The following BPTF variants were observed in gnomAD, a reference collection of about 807,000 sequenced individuals.
The protein encoded by BPTF is bromodomain PHD finger transcription factor.
Under a neutral mutation model 292.5 loss-of-function variants are expected in BPTF, and 18 were observed. The ratio of observed to expected loss-of-function variants is 0.06; its 90% confidence interval spans 0.04 to 0.09. BPTF has a LOEUF of 0.09. BPTF is among the 10% of genes least tolerant of loss of function. The probability of loss-of-function intolerance (pLI) is 1.00; values close to 1 mark genes in which losing one functional copy is unlikely to be tolerated. For missense variants in BPTF, 2,726 were observed against 3,498.7 expected (o/e 0.78, Z 5.57); for synonymous variants, 1,225 against 1,251.9 (o/e 0.98, Z 0.45).
chr17:67,908,491 CTTTT>C (rs34537462), intron 9 of BPTF, among the ~76,000 whole-genome samples: 1 of 97,572 alleles, frequency 1.0e-5, no homozygotes, highest in African/African-American at 3.6e-5. Context: ...TCACTGACCA[CTTTT>C]TTTTTTTTTT....
Position 67,922,985 on chromosome 17 carries a change from T to C in BPTF, c.5703T>C (p.Ala1901=), listed in dbSNP as rs1440662476. Residue 1901 remains alanine, a synonymous_variant, in exon 14 of 28, where the codon GCT becomes GCC. Coordinates refer to ENST00000306378, the MANE Select transcript of BPTF (RefSeq NM_182641.4). ...AATTGTGGGAGATCAGGGCATTTGC[T>C]GAGAGGTAAGGAAATGGTTAATACC... ...ELELWEIRAF[A]ERVEKEKAQA... 6.2e-7 allele frequency: 1 copy of C among 1,613,242 alleles called. No homozygotes were observed.
rs1212305646 is a variant in BPTF at position 67,854,894 on chromosome 17, T to C, written c.1436+132T>C. ...ACTTAATAGTTATACAGTTAAATAATTTCTTAATTGAAGGAATATGTGCAT... is the reference window on the plus strand; with the variant it reads ...ACTTAATAGTTATACAGTTAAATAACTTCTTAATTGAAGGAATATGTGCAT... On this transcript the variant is annotated intron_variant, in intron 2 of 27. Coordinates refer to ENST00000306378, the MANE Select transcript of BPTF (RefSeq NM_182641.4). The surrounding 1 kb of genome is among the most constrained non-coding windows in gnomAD (Gnocchi z 5.6). 1.5e-6 allele frequency: 1 copy of C among 663,286 alleles called. No homozygotes were observed. 41.1% of individuals were successfully genotyped at this position (663,286 alleles called of 1,614,324 possible).
At chr17:67,840,493 G>GCCT (rs146953123) in intron 1 of BPTF, among the ~76,000 whole-genome samples, 14,824 of 150,426 alleles carry the variant, frequency 0.099, 2,524 homozygotes, top group African/African-American at 0.35. Context: ...CTGCTCCTCC[G>GCCT]CCTCCTCCTT....
chr17:67,917,615 A>G (rs1248849568), intron 11 of BPTF, among the ~76,000 whole-genome samples: 2 of 150,052 alleles, frequency 1.3e-5, no homozygotes, highest in Admixed American at 6.7e-5. Context: ...TTTTTGGTTT[A>G]ATTTAATTAA....
chr17:67,916,734 C>A (rs1270633882), intron 11 of BPTF, among the ~76,000 whole-genome samples: 2 of 147,424 alleles, frequency 1.4e-5, no homozygotes, highest in African/African-American at 5.2e-5. Context: ...CCACTGCACT[C>A]CAGCCTGGGT....
chr17:67,899,469 C>T (rs544700698), intron 7 of BPTF, among the ~76,000 whole-genome samples: 11 of 151,746 alleles, frequency 7.2e-5, no homozygotes, highest in African/African-American at 2.7e-4. Context: ...TCCTGGGAAC[C>T]TTCTTTGATA....
chr17:67,907,766 AC>A (rs2062332593), intron 9 of BPTF, among the ~76,000 whole-genome samples: 2 of 152,292 alleles, frequency 1.3e-5, no homozygotes, highest in East Asian at 3.9e-4. Context: ...ATGTATCTCT[AC>A]GTAGACATTT....
Position 67,854,274 on chromosome 17 carries a change from C to A in BPTF, c.948C>A (p.Ser316=). Residue 316 remains serine, a synonymous_variant, in exon 2 of 28, where the codon TCC becomes TCA. Transcript: ENST00000306378. The surrounding 1 kb of genome is among the most constrained non-coding windows in gnomAD (Gnocchi z 5.6). Reference sequence around the variant, plus strand: ...CTGATCTGAAAGATAGCGTTAATTCCACACTGTATTTCATAGATGGGATGA... The same window carrying A: ...CTGATCTGAAAGATAGCGTTAATTCAACACTGTATTTCATAGATGGGATGA... The part of the protein sequence containing the change: ...GPADLKDSVN[S]TLYFIDGMTW... 1.2e-6 allele frequency: 2 copies of A among 1,614,140 alleles called. No individual in the cohort carries two copies. Among genetic ancestry groups the A allele is most frequent in the Middle Eastern group, 1.6e-4 (1 of 6,062 alleles).
Position 67,948,069 on chromosome 17 carries a change from A to G in BPTF, c.7701-12A>G, listed in dbSNP as rs782520146. 8.1e-6 allele frequency: 13 copies of G among 1,606,740 alleles called. No individual in the cohort carries two copies. In the East Asian group the frequency reaches 8.9e-5, roughly 11 times the overall value. ...ACGCCCAGCATTACATAGGTTGTGT[A>G]TTTTTCTCTAGAATGATTGTCTGTA... On this transcript the variant is annotated splice_polypyrimidine_tract_variant and intron_variant, in intron 22 of 27. Coordinates refer to ENST00000306378, the MANE Select transcript of BPTF (RefSeq NM_182641.4).
Position 67,946,029 on chromosome 17 carries a change from C to G in BPTF, c.7321C>G (p.Gln2441Glu), listed in dbSNP as rs782167494. 7.7e-5 allele frequency: 124 copies of G among 1,614,200 alleles called. No homozygotes were observed. The Middle Eastern group carries it at 9.9e-4, about 13-fold the overall frequency. The change falls in exon 21 of 28, where the codon CAA becomes GAA. Residue 2441 changes from glutamine to glutamate, a missense_variant. By Grantham distance (29) the Gln-to-Glu change is conservative. Transcript: ENST00000306378. ...CATTGCTGTGCCTCAGCTGCAACAA[C>G]AAGTCCAGGTTCTCTCTCAGATCCA... ...QVIAVPQLQQ[Q>E]VQVLSQIQSQ...
chr17:67,870,766 CTTTT>C, intron 3 of BPTF, among the ~76,000 whole-genome samples: 1 of 106,380 alleles, frequency 9.4e-6, no homozygotes, highest in Admixed American at 1.3e-4. Flanking sequence ...TGCTTCATTT[CTTTT>C]TTTTTTTTTT....
At chr17:67,872,704 T>A (rs2059817725) in intron 3 of BPTF, among the ~76,000 whole-genome samples, 1 of 151,390 alleles carries the variant, frequency 6.6e-6, no homozygotes, top group Admixed American at 6.6e-5. Flanking sequence ...AGATTCTGTC[T>A]CAAAAAAAAA....
chr17:67,954,509 T>G (rs1347844648), intron 23 of BPTF, among the ~76,000 whole-genome samples: 1 of 152,116 alleles, frequency 6.6e-6, no homozygotes, highest in Non-Finnish European at 1.5e-5. Context: ...ACACAGCATG[T>G]TAGTCTCCCT....
chr17:67,827,787 CT>C (rs2056231828), intron 1 of BPTF, among the ~76,000 whole-genome samples: 1 of 152,098 alleles, frequency 6.6e-6, no homozygotes, highest in Admixed American at 6.6e-5. Flanking sequence ...AAGGTAATTT[CT>C]TTTGCCCAGT....
chr17:67,937,381 CAA>C (rs58944920), intron 18 of BPTF, among the ~76,000 whole-genome samples: 8 of 123,836 alleles, frequency 6.5e-5, no homozygotes, highest in African/African-American at 1.3e-4. Flanking sequence ...CGGACTTTGT[CAA>C]AAAAAAAAAA....
chr17:67,893,589 C>A lies in BPTF; in HGVS notation c.2275C>A (p.Pro759Thr), dbSNP rs1378574277. Reference protein sequence around the residue: ...RHLAHKFCLTPAGEFKWNGSV... With the variant: ...RHLAHKFCLTTAGEFKWNGSV... ...TCTTGCACATAAGTTCTGTCTGACT[C>A]CAGCAGGAGAGTTCAAATGGAACGG... The change falls in exon 6 of 28, where the codon CCA becomes ACA. Residue 759 changes from proline to threonine, a missense_variant. By Grantham distance (38) the Pro-to-Thr change is conservative. This residue lies in a region of BPTF where 99 missense variants were observed against 227.1 expected (regional missense o/e 0.44). Transcript: ENST00000306378. 6.2e-7 allele frequency: 1 copy of A among 1,612,658 alleles called. No individual in the cohort carries two copies.
At chr17:67,862,204 G>A (rs979024558) in intron 2 of BPTF, among the ~76,000 whole-genome samples, 5 of 152,100 alleles carry the variant, frequency 3.3e-5, no homozygotes, top group Non-Finnish European at 5.9e-5. Context: ...TTGGACTCCC[G>A]ACCTCAGGTA....
At chr17:67,919,990 A>G in intron 12 of BPTF, 25 bp from the exon 13 acceptor site, 8 of 1,593,474 alleles carry the variant, frequency 5.0e-6, no homozygotes, top group Non-Finnish European at 6.8e-6. Flanking sequence ...TTGGTTATTA[A>G]TACTATTGAA....
chr17:67,893,026 G>A (rs1034004418), intron 5 of BPTF, among the ~76,000 whole-genome samples: 1 of 151,936 alleles, frequency 6.6e-6, no homozygotes, highest in Admixed American at 6.6e-5. Context: ...TTTCCCTTAA[G>A]TATATGTTAT....
Sources: gnomAD v4.1 joint callset for allele counts (sites outside exome capture counted in the v4.1 genomes callset) on GRCh38, gnomAD v4.1.1 for gene constraint, gnomAD v4.1.1 regional missense constraint, Gnocchi (gnomAD v3.1) non-coding constraint, MANE v1.5 for transcripts, NCBI Gene and HGNC (gene_info 2026-07-23, HGNC 2026-07-21) for gene names.